IQCM: variants seen among roughly 807,000 people sequenced by gnomAD.
IQCM encodes IQ domain-containing protein M.
In IQCM, 45 loss-of-function variants were observed where a neutral mutation model predicts 57.6. The observed-to-expected ratio is 0.78, with a 90% CI of 0.62 to 1.00. IQCM has a LOEUF of 1.00. Ranked by LOEUF, IQCM falls within the 50% of genes least tolerant of loss-of-function variation. The probability of loss-of-function intolerance (pLI) is 0.00; values close to 1 mark genes in which losing one functional copy is unlikely to be tolerated. For synonymous variants in IQCM, 148 were observed against 158.9 expected (o/e 0.93, Z 0.51); for missense variants, 468 against 511.6 (o/e 0.91, Z 0.82).
At chr4:149,438,809 G>A (rs1476458312) in intron 12 of IQCM, among the ~76,000 whole-genome samples, 1 of 151,246 alleles carries the variant, frequency 6.6e-6, no homozygotes, top group East Asian at 1.9e-4. Context: ...CAAAACCAAG[G>A]GACAAAATGG....
In IQCM at chr4:149,568,685, G is replaced by A. The variant is rs1473057468; in HGVS notation, c.750-4795C>T. Among the ~76,000 whole-genome samples the A allele has an allele frequency of 2.0e-5, 3 of 152,160 alleles. No homozygotes were observed. In the East Asian group the frequency reaches 5.8e-4, roughly 30 times the overall value. ...ACATGCTACCATGGGAGGCTGAGGT[G>A]GGAGGATTGCCCAAACCCAGGAAGT... On this transcript the variant is annotated intron_variant, in intron 9 of 13. Coordinates refer to ENST00000636793, the MANE Select transcript of IQCM (RefSeq NM_001363507.2).
chr4:149,707,772 C>T (rs1764266378), intron 5 of IQCM, among the ~76,000 whole-genome samples: 1 of 151,978 alleles, frequency 6.6e-6, no homozygotes, highest in Admixed American at 6.6e-5. Context: ...TGCCTATACC[C>T]ATGAAACTGG....
At chr4:149,649,649 A>C (rs936008481) in intron 7 of IQCM, among the ~76,000 whole-genome samples, 1 of 152,214 alleles carries the variant, frequency 6.6e-6, no homozygotes, top group Non-Finnish European at 1.5e-5. Context: ...TACAAAAGCC[A>C]GAGCTTAATA....
chr4:149,493,727 C>G (rs1417055245), intron 12 of IQCM, among the ~76,000 whole-genome samples: 3 of 151,928 alleles, frequency 2.0e-5, no homozygotes, highest in African/African-American at 7.3e-5. Context: ...ATTCACCTTG[C>G]TATGGACCTT....
At chr4:149,768,000 T>C (rs993494187) in intron 2 of IQCM, among the ~76,000 whole-genome samples, 3 of 152,070 alleles carry the variant, frequency 2.0e-5, no homozygotes, top group African/African-American at 7.2e-5. Context: ...TTTAGTTATA[T>C]GGGCCTAGAA....
intron 12 of IQCM, among the ~76,000 whole-genome samples, chr4:149,447,154 G>A (rs1175426950): frequency 6.6e-6 from 1 of 151,468 alleles, no homozygotes; most frequent in African/African-American, 2.4e-5. Flanking sequence ...ATAGTAGATG[G>A]AAGAAGAATG....
intron 7 of IQCM, among the ~76,000 whole-genome samples, chr4:149,627,197 T>C (rs956034891): frequency 2.6e-5 from 4 of 152,000 alleles, no homozygotes; most frequent in African/African-American, 9.7e-5. Flanking sequence ...ATGAGGTAAA[T>C]AGCTGAAAAT....
At chr4:149,398,009 G>A (rs1435000321) in intron 13 of IQCM, among the ~76,000 whole-genome samples, 1 of 151,852 alleles carries the variant, frequency 6.6e-6, no homozygotes, top group East Asian at 1.9e-4. Flanking sequence ...ATGTCACAAA[G>A]GTTTTCCCTT....
At chr4:149,666,498 G>A (rs553953347) in intron 7 of IQCM, among the ~76,000 whole-genome samples, 20 of 152,120 alleles carry the variant, frequency 1.3e-4, no homozygotes, top group East Asian at 5.9e-4. Context: ...AAAACTGGGC[G>A]GCCATTTGGG....
intron 12 of IQCM, among the ~76,000 whole-genome samples, chr4:149,452,842 T>A (rs2111416659): frequency 6.6e-6 from 1 of 151,500 alleles, no homozygotes; most frequent in Non-Finnish European, 1.5e-5. Context: ...TAGATTATTC[T>A]CTAGCAAAGT....
At chr4:149,600,928 A>G (rs1253806774) in intron 8 of IQCM, among the ~76,000 whole-genome samples, 1 of 152,172 alleles carries the variant, frequency 6.6e-6, no homozygotes, top group African/African-American at 2.4e-5. Context: ...TTATTTGAGA[A>G]TGTATTTCTA....
At chr4:149,800,737 T>C (rs956136042) in intron 2 of IQCM, among the ~76,000 whole-genome samples, 2 of 151,770 alleles carry the variant, frequency 1.3e-5, no homozygotes, top group Non-Finnish European at 2.9e-5. Flanking sequence ...AGTAACCTCA[T>C]TTAAAATAGC....
At chr4:149,803,909 T>C (rs966709053) in intron 2 of IQCM, among the ~76,000 whole-genome samples, 1 of 151,902 alleles carries the variant, frequency 6.6e-6, no homozygotes, top group Non-Finnish European at 1.5e-5. Flanking sequence ...TGTTCTATAA[T>C]CTTCTGAGGG....
At chr4:149,503,643 G>A (rs1743493441) in intron 12 of IQCM, among the ~76,000 whole-genome samples, 1 of 151,708 alleles carries the variant, frequency 6.6e-6, no homozygotes, top group Non-Finnish European at 1.5e-5. Flanking sequence ...TTTTTTTGAA[G>A]GTATATGCCA....
chr4:149,599,707 G>T (rs1404194590), intron 8 of IQCM, among the ~76,000 whole-genome samples: 1 of 152,150 alleles, frequency 6.6e-6, no homozygotes, highest in Admixed American at 6.5e-5. Flanking sequence ...ATAAGGTTAT[G>T]TGGATCCAAA....
rs1206651586 is a variant in IQCM at position 149,736,347 on chromosome 4, A to G, written c.38-889T>C. Among the ~76,000 whole-genome samples, 5 of 152,216 alleles carry G rather than the reference A, an allele frequency of 3.3e-5. No homozygotes were observed. The East Asian group carries it at 5.8e-4, about 18-fold the overall frequency. On this transcript the variant is annotated intron_variant, in intron 3 of 13. Coordinates refer to ENST00000636793, the MANE Select transcript of IQCM (RefSeq NM_001363507.2). The stretch of plus-strand genomic sequence containing the variant: ...GCCTTGTCTAAGTTTTCCTCTTTAC[A>G]TATTTTCTTTATTATTAGCTGATTG...
At chr4:149,374,697 T>C (rs758620347) in intron 13 of IQCM, among the ~76,000 whole-genome samples, 6 of 152,150 alleles carry the variant, frequency 3.9e-5, no homozygotes, top group Non-Finnish European at 5.9e-5. Context: ...TTTCCTGTTT[T>C]CTGGTGTATT....
chr4:149,525,717 A>G (rs1746091662), intron 12 of IQCM, among the ~76,000 whole-genome samples: 1 of 151,920 alleles, frequency 6.6e-6, no homozygotes, highest in Admixed American at 6.6e-5. Context: ...AAATGTTTTT[A>G]ACCAAAAAAA....
intron 13 of IQCM, among the ~76,000 whole-genome samples, chr4:149,424,763 A>C (rs1734351766): frequency 6.6e-6 from 1 of 151,900 alleles, no homozygotes; most frequent in South Asian, 2.1e-4. Context: ...CTATTCCCCT[A>C]TTGCTGGACA....
Sources: allele counts gnomAD v4.1 joint callset (sites outside exome capture counted in the v4.1 genomes callset), GRCh38; gene constraint gnomAD v4.1.1; transcripts MANE v1.5; gene names NCBI Gene and HGNC (gene_info 2026-07-23, HGNC 2026-07-21).